GLT8D2: variants seen among roughly 807,000 people sequenced by gnomAD.
GLT8D2 encodes the protein glycosyltransferase 8 domain-containing protein 2.
In GLT8D2, 45 loss-of-function variants were observed where a neutral mutation model predicts 44.5. The ratio of observed to expected loss-of-function variants is 1.01; its 90% CI spans 0.80 to 1.30. The LOEUF (loss-of-function observed/expected upper bound fraction) is 1.30. Ranked by LOEUF, GLT8D2 falls within the 50% of genes most tolerant of loss-of-function variation. The probability of loss-of-function intolerance (pLI) is 0.00; values close to 1 mark genes in which losing one functional copy is unlikely to be tolerated. For synonymous variants in GLT8D2, 156 were observed against 157.2 expected, an observed-to-expected ratio of 0.99 and a Z score of 0.06; for missense variants, 400 against 430.4, an observed-to-expected ratio of 0.93 and a Z score of 0.62.
intron 4 of GLT8D2, among the ~76,000 whole-genome samples, chr12:104,011,855 C>A (rs1394448716): frequency 6.6e-6 from 1 of 152,004 alleles, no homozygotes; most frequent in Admixed American, 6.6e-5. Flanking sequence ...CCCCTTAAAC[C>A]CTTCTTAATG....
At chr12:104,025,773 T>A (rs1367265633) in intron 1 of GLT8D2, among the ~76,000 whole-genome samples, 1 of 152,190 alleles carries the variant, frequency 6.6e-6, no homozygotes, top group Non-Finnish European at 1.5e-5. Context: ...TGGAACTGAT[T>A]TTTTTCTTTA....
At chr12:104,022,629 A>G (rs930415891) in intron 1 of GLT8D2, among the ~76,000 whole-genome samples, 2 of 152,142 alleles carry the variant, frequency 1.3e-5, no homozygotes, top group Non-Finnish European at 2.9e-5. Context: ...CCAGCTATAA[A>G]TGGCTGGCAC....
intron 4 of GLT8D2, among the ~76,000 whole-genome samples, chr12:104,006,727 T>A (rs1875058872): frequency 1.3e-5 from 2 of 152,214 alleles, no homozygotes. Flanking sequence ...AAGAAAAAGC[T>A]TTGCTTTTCT....
At chr12:104,016,683 AAAAG>A (rs55931007) in intron 3 of GLT8D2, among the ~76,000 whole-genome samples, 42,804 of 111,180 alleles carry the variant, frequency 0.38, 10,153 homozygotes, top group Non-Finnish European at 0.5. Context: ...AGAGAGAAAG[AAAAG>A]AAAGAAAGAA....
chr12:104,060,020 GA>G (rs1056341143), intron 1 of GLT8D2, among the ~76,000 whole-genome samples: 13 of 152,058 alleles, frequency 8.5e-5, no homozygotes, highest in African/African-American at 2.4e-4. Context: ...CCACTCCATT[GA>G]AAACATTTTA....
At chr12:104,039,465 C>T (rs1445736693) in intron 1 of GLT8D2, among the ~76,000 whole-genome samples, 2 of 152,006 alleles carry the variant, frequency 1.3e-5, no homozygotes, top group Admixed American at 6.6e-5. Context: ...AACAAACAAC[C>T]CCATCAAAAA....
intron 1 of GLT8D2, among the ~76,000 whole-genome samples, chr12:104,024,385 G>A (rs965626657): frequency 6.6e-6 from 1 of 152,030 alleles, no homozygotes; most frequent in East Asian, 1.9e-4. Flanking sequence ...GTGAGCCATG[G>A]TCGCACCACT....
chr12:104,029,084 G>T (rs1020054219), intron 1 of GLT8D2, among the ~76,000 whole-genome samples: 1 of 152,168 alleles, frequency 6.6e-6, no homozygotes, highest in Admixed American at 6.5e-5. Flanking sequence ...GAGGTCAAGA[G>T]ATCGAGACCA....
intron 2 of GLT8D2, among the ~76,000 whole-genome samples, chr12:104,020,501 G>A (rs7979680): frequency 0.038 from 5,731 of 152,256 alleles, 385 homozygotes; most frequent in African/African-American, 0.13. Flanking sequence ...TCCCAGTGAT[G>A]CACCGAAAAA....
chr12:104,014,968 C>A, intron 4 of GLT8D2, 45 bp downstream of exon 4: 2 of 1,396,826 alleles, frequency 1.4e-6, no homozygotes, highest in South Asian at 1.2e-5. Flanking sequence ...ATATTCAAAC[C>A]ACATTCCTGG....
chr12:104,020,141 C>T (rs1284937992), intron 2 of GLT8D2, among the ~76,000 whole-genome samples: 7 of 152,028 alleles, frequency 4.6e-5, no homozygotes, highest in Non-Finnish European at 7.4e-5. Flanking sequence ...AGGCTGGTCT[C>T]GAACTCCTAG....
chr12:104,015,037 C>T lies in GLT8D2; in HGVS notation c.88G>A (p.Gly30Arg), dbSNP rs902057055. The T allele has an allele frequency of 1.7e-5, 27 of 1,613,262 alleles. No individual in the cohort carries two copies. Among genetic ancestry groups the T allele is most frequent in the Non-Finnish European group, 2.2e-5 (26 of 1,179,412 alleles). ...CCTGCGTCATTCTTGGGCACAGTCC[C>T]CTTATGAACTTTCTTATACAGAATC... is the stretch of plus-strand genomic sequence containing the variant. ...CVILYKKVHK[G>R]TVPKNDADDE... Residue 30 changes from glycine (G) to arginine (R), a missense_variant, in exon 4 of 11, where the codon GGG (glycine) becomes AGG (arginine). Gly to Arg is a moderately radical substitution (Grantham distance 125, BLOSUM62 -2). Transcript: ENST00000360814.
intron 1 of GLT8D2, among the ~76,000 whole-genome samples, chr12:104,027,757 G>T (rs1241936437): frequency 1.3e-5 from 2 of 152,144 alleles, no homozygotes; most frequent in African/African-American, 4.8e-5. Flanking sequence ...GCTCGGAGAG[G>T]TTCAGTAACT....
chr12:104,021,335 A>T (rs954383858), intron 2 of GLT8D2, 22 bp downstream of exon 2: 3 of 152,318 alleles, frequency 2.0e-5, no homozygotes, highest in African/African-American at 7.2e-5. Flanking sequence ...TTAGAGGAAA[A>T]GGAAAAGTCC....
intron 10 of GLT8D2, among the ~76,000 whole-genome samples, chr12:103,991,770 C>A (rs116941903): frequency 6.8e-6 from 1 of 147,396 alleles, no homozygotes; most frequent in Non-Finnish European, 1.5e-5. Context: ...GCAGAAGCAA[C>A]CCACAGAATC....
At chr12:104,025,633 A>T (rs555561115) in intron 1 of GLT8D2, among the ~76,000 whole-genome samples, 100 of 152,220 alleles carry the variant, frequency 6.6e-4, no homozygotes, top group Non-Finnish European at 1.2e-3. Flanking sequence ...TAATATTTAC[A>T]TTCAGAGTTA....
intron 4 of GLT8D2, among the ~76,000 whole-genome samples, chr12:104,012,183 A>ATATATAT (rs1555278385): frequency 7.1e-5 from 6 of 84,082 alleles, no homozygotes; most frequent in Non-Finnish European, 1.3e-4. Context: ...AAAAAAAAAA[A>ATATATAT]AAAAAAATAT....
chr12:103,994,548 T>G (rs1299697122), intron 8 of GLT8D2, 47 bp from the exon 9 acceptor site: 5 of 1,523,230 alleles, frequency 3.3e-6, no homozygotes, highest in Admixed American at 3.9e-5. Context: ...GAATCTTTTG[T>G]TTCTGGAAAA....
chr12:104,020,344 T>A (rs1877471296), intron 2 of GLT8D2, among the ~76,000 whole-genome samples: 1 of 152,128 alleles, frequency 6.6e-6, no homozygotes. Context: ...CCCTATGCCA[T>A]CTTTCTACTA....
Sources: allele counts gnomAD v4.1 joint callset (sites outside exome capture counted in the v4.1 genomes callset), GRCh38; gene constraint gnomAD v4.1.1; transcripts MANE v1.5; gene names NCBI Gene and HGNC (gene_info 2026-07-23, HGNC 2026-07-21).